Variants in CCSER1 observed in about 807,000 individuals in gnomAD.
The protein encoded by CCSER1 is serine-rich coiled-coil domain-containing protein 1.
Under a neutral mutation model 82.0 loss-of-function variants are expected in CCSER1, and 41 were observed. The ratio of observed to expected loss-of-function variants is 0.50; its 90% CI spans 0.39 to 0.65. The LOEUF is 0.65. CCSER1 is among the 30% of genes least tolerant of loss of function. CCSER1 has a pLI of 0.00. For synonymous variants in CCSER1, 414 were observed against 383.9 expected (o/e 1.08, Z -0.92); for missense variants, 1,119 against 1,064.2 (o/e 1.05, Z -0.72).
At chr4:91,553,011 G>C (rs1762230303) in intron 10 of CCSER1, among the ~76,000 whole-genome samples, 1 of 151,384 alleles carries the variant, frequency 6.6e-6, no homozygotes, top group Non-Finnish European at 1.5e-5. Flanking sequence ...GCTGTGATTT[G>C]TTTTGTATTA....
At chr4:90,627,925 A>C in intron 5 of CCSER1, 100 bp from the exon 6 acceptor site, 2 of 849,730 alleles carry the variant, frequency 2.4e-6, no homozygotes, top group South Asian at 3.1e-5. Context: ...GGACACAAGA[A>C]ATACTTTCTA....
chr4:90,288,588 A>T (rs2153464408), intron 1 of CCSER1, among the ~76,000 whole-genome samples: 1 of 151,982 alleles, frequency 6.6e-6, no homozygotes, highest in South Asian at 2.1e-4. Context: ...CTGTTTTTGA[A>T]TTATTTGAGA....
chr4:90,592,194 G>A (rs1374122150), intron 5 of CCSER1, among the ~76,000 whole-genome samples: 1 of 152,034 alleles, frequency 6.6e-6, no homozygotes, highest in African/African-American at 2.4e-5. Flanking sequence ...AGTATTTAAA[G>A]TAAGATAAAA....
At chr4:91,253,352 T>C (rs1307404076) in intron 10 of CCSER1, among the ~76,000 whole-genome samples, 1 of 152,192 alleles carries the variant, frequency 6.6e-6, no homozygotes, top group African/African-American at 2.4e-5. Context: ...GTCTGTGCTA[T>C]TGGTAAACTT....
At chr4:91,130,112 C>T (rs1182158453) in intron 10 of CCSER1, 1 of 151,764 alleles carries the variant, frequency 6.6e-6, no homozygotes, top group Non-Finnish European at 1.5e-5. Context: ...GGAATGTCTG[C>T]AGTAAGGGGT....
At chr4:90,476,992 C>T (rs577244757) in intron 5 of CCSER1, among the ~76,000 whole-genome samples, 2 of 152,242 alleles carry the variant, frequency 1.3e-5, no homozygotes, top group East Asian at 3.9e-4. Flanking sequence ...TTTGTCAGAT[C>T]ACTGAAAAAG....
chr4:91,510,217 G>A (rs528112250), intron 10 of CCSER1, among the ~76,000 whole-genome samples: 25 of 152,232 alleles, frequency 1.6e-4, no homozygotes, highest in African/African-American at 5.1e-4. Context: ...AGTATTCCAT[G>A]GTGTATATGT....
At chr4:91,297,383 G>GTA (rs1289097271) in intron 10 of CCSER1, among the ~76,000 whole-genome samples, 1 of 93,664 alleles carries the variant, frequency 1.1e-5, no homozygotes, top group African/African-American at 5.3e-5. Flanking sequence ...GTGTGTGTGT[G>GTA]TATGTGTGTG....
At chr4:91,063,330 A>C (rs1744111275) in intron 9 of CCSER1, among the ~76,000 whole-genome samples, 1 of 152,140 alleles carries the variant, frequency 6.6e-6, no homozygotes. Context: ...ATTAAATGAG[A>C]TAAGGCATGT....
intron 1 of CCSER1, among the ~76,000 whole-genome samples, chr4:90,286,400 C>T (rs1252907571): frequency 6.6e-6 from 1 of 152,022 alleles, no homozygotes; most frequent in Middle Eastern, 3.4e-3. Context: ...CATAAGGTGA[C>T]AATTTCAATA....
chr4:90,709,662 A>G (rs1334077226), intron 6 of CCSER1, among the ~76,000 whole-genome samples: 1 of 151,942 alleles, frequency 6.6e-6, no homozygotes, highest in Non-Finnish European at 1.5e-5. Flanking sequence ...TATGTATCAC[A>G]TTTTCTTTAT....
intron 9 of CCSER1, among the ~76,000 whole-genome samples, chr4:91,083,421 G>A (rs186992285): frequency 2.0e-5 from 3 of 151,952 alleles, no homozygotes; most frequent in East Asian, 1.9e-4. Flanking sequence ...GGGGGTTGGC[G>A]GGGGGAAGGA....
chr4:90,623,089 G>A (rs1435386807), intron 5 of CCSER1, among the ~76,000 whole-genome samples: 3 of 147,754 alleles, frequency 2.0e-5, no homozygotes, highest in Non-Finnish European at 3.0e-5. Context: ...GTGCAGTGGC[G>A]CAATCTCGGC....
intron 9 of CCSER1, among the ~76,000 whole-genome samples, chr4:90,980,136 G>C (rs999502597): frequency 2.6e-5 from 4 of 151,944 alleles, no homozygotes; most frequent in African/African-American, 9.6e-5. Flanking sequence ...CTTCATCAGA[G>C]ACCTTACTTA....
chr4:90,161,349 CTTA>C (rs1486281049), intron 1 of CCSER1, among the ~76,000 whole-genome samples: 1 of 152,114 alleles, frequency 6.6e-6, no homozygotes, highest in Non-Finnish European at 1.5e-5. Context: ...CACATAATCA[CTTA>C]TTATTCTCAC....
At chr4:90,390,974 C>G (rs369990622) in intron 3 of CCSER1, among the ~76,000 whole-genome samples, 7 of 151,794 alleles carry the variant, frequency 4.6e-5, no homozygotes, top group Admixed American at 3.9e-4. Flanking sequence ...TTAATAGTGG[C>G]CCTTCTGGGC....
At chr4:90,570,982 A>T (rs1703891911) in intron 5 of CCSER1, among the ~76,000 whole-genome samples, 1 of 152,190 alleles carries the variant, frequency 6.6e-6, no homozygotes, top group Non-Finnish European at 1.5e-5. Flanking sequence ...CATATGAAAA[A>T]ATGCTCAACA....
At chr4:91,059,007 C>T (rs1317449710) in intron 9 of CCSER1, among the ~76,000 whole-genome samples, 1 of 151,914 alleles carries the variant, frequency 6.6e-6, no homozygotes, top group Non-Finnish European at 1.5e-5. Flanking sequence ...GATACCAAAT[C>T]TATTTCCCAC....
intron 10 of CCSER1, among the ~76,000 whole-genome samples, chr4:91,091,562 A>G (rs1003525233): frequency 2.0e-5 from 3 of 152,160 alleles, no homozygotes; most frequent in African/African-American, 4.8e-5. Flanking sequence ...TCCCACGACT[A>G]TTTTCCTCAT....
Sources: allele counts gnomAD v4.1 joint callset (sites outside exome capture counted in the v4.1 genomes callset), GRCh38; gene constraint gnomAD v4.1.1; transcripts MANE v1.5; gene names NCBI Gene and HGNC (gene_info 2026-07-23, HGNC 2026-07-21).